HIPK2: variants seen among roughly 807,000 people sequenced by gnomAD.
The protein encoded by HIPK2 is homeodomain-interacting protein kinase 2.
In HIPK2, 27 loss-of-function variants were observed where a neutral mutation model predicts 113.7. That is an observed-to-expected ratio of 0.24 (90% CI 0.17 to 0.33). HIPK2 has a LOEUF of 0.33. HIPK2 is among the 10% of genes least tolerant of loss of function. The pLI is 1.00. For missense variants in HIPK2, 1,257 were observed against 1,588.0 expected (o/e 0.79, Z 3.54); for synonymous variants, 631 against 642.2 (o/e 0.98, Z 0.26).
chr7:139,618,023 T>C (rs1049815381), intron 7 of HIPK2, among the ~76,000 whole-genome samples: 3 of 152,220 alleles, frequency 2.0e-5, no homozygotes, highest in African/African-American at 7.2e-5. Flanking sequence ...GCTGTGTATG[T>C]ATATTTTAAG....
At chr7:139,605,674 C>G (rs1585266726) in intron 9 of HIPK2, among the ~76,000 whole-genome samples, 1 of 152,192 alleles carries the variant, frequency 6.6e-6, no homozygotes, top group African/African-American at 2.4e-5. Flanking sequence ...GCACCTGAGG[C>G]CCAGTGCAAT....
rs544608681 is a variant in HIPK2, at chr7:139,680,322, G to A, written c.1103+35610C>T. 2.6e-5 allele frequency among the ~76,000 whole-genome samples: 4 copies of A among 152,280 alleles called. No homozygotes were observed. In the South Asian group the frequency reaches 8.3e-4, roughly 32 times the overall value. ...TAACACCCTCCCCACAGCGTGGCTG[G>A]TGCCCAAGCAGCCCCAGTAGGGCTT... is the stretch of plus-strand genomic sequence containing the variant. On this transcript the variant is annotated intron_variant, in intron 2 of 14. Transcript: ENST00000406875.
chr7:139,623,977 G>C (rs2116856135), intron 6 of HIPK2, among the ~76,000 whole-genome samples: 1 of 151,920 alleles, frequency 6.6e-6, no homozygotes, highest in South Asian at 2.1e-4. Context: ...TCAGGGTTGA[G>C]AGGCTGAAGT....
intron 2 of HIPK2, among the ~76,000 whole-genome samples, chr7:139,696,899 A>G (rs1296407424): frequency 3.9e-5 from 6 of 152,136 alleles, no homozygotes; most frequent in East Asian, 1.9e-4. Context: ...CTAATCCTTA[A>G]AACTTCTATA....
chr7:139,716,981 G>A lies in HIPK2; in HGVS notation c.54C>T (p.His18=), dbSNP rs771912372. The A allele has an allele frequency of 5.6e-6, 9 of 1,612,038 alleles. No homozygotes were observed. The South Asian group carries it at 8.8e-5, about 16-fold the overall frequency. ...TACAGAAGGCACTTGATTGAAGGGT[G>A]TGAGGGGAGAAAACTTGCACATGTG... ...MASHVQVFSP[H]TLQSSAFCSV... The change falls in exon 2 of 15, where the codon CAC becomes CAT. Residue 18 remains histidine, a synonymous_variant. Coordinates refer to ENST00000406875, the MANE Select transcript of HIPK2 (RefSeq NM_022740.5). The surrounding 1 kb of genome is among the most constrained non-coding windows in gnomAD (Gnocchi z 9.3).
chr7:139,716,174 A>G lies in HIPK2; in HGVS notation c.861T>C (p.Phe287=). 1 of 1,614,032 alleles carries G rather than the reference A, an allele frequency of 6.2e-7. No individual in the cohort carries two copies. Residue 287 remains phenylalanine (F), a synonymous_variant, in exon 2 of 15, where the codon TTT becomes TTC. Coordinates refer to ENST00000406875, the MANE Select transcript of HIPK2 (RefSeq NM_022740.5). This position sits in a 1 kb window ranked among gnomAD's most constrained non-coding sequence, Gnocchi z 9.3. Reference sequence around the variant, plus strand: ...AGGGGCTAAACTTGTTTTGCTTCAGAAAGTCATAGAGGTTCTGCTCCAACA... The same window carrying G: ...AGGGGCTAAACTTGTTTTGCTTCAGGAAGTCATAGAGGTTCTGCTCCAACA... The part of the protein sequence containing the change: ...FEMLEQNLYD[F]LKQNKFSPLP...
intron 1 of HIPK2, among the ~76,000 whole-genome samples, chr7:139,734,316 A>G (rs1009944889): frequency 6.6e-5 from 10 of 152,166 alleles, no homozygotes; most frequent in African/African-American, 4.8e-5. Flanking sequence ...CCCCCACCTA[A>G]TAACTTTTCT....
At chr7:139,727,338 C>A (rs1795610768) in intron 1 of HIPK2, among the ~76,000 whole-genome samples, 1 of 151,938 alleles carries the variant, frequency 6.6e-6, no homozygotes, top group Non-Finnish European at 1.5e-5. Context: ...GCCCTCTTTT[C>A]CCACAGGGTC....
At chr7:139,768,200 A>C (rs893744621) in intron 1 of HIPK2, among the ~76,000 whole-genome samples, 3 of 152,146 alleles carry the variant, frequency 2.0e-5, no homozygotes, top group African/African-American at 7.2e-5. Flanking sequence ...AGACCCACAA[A>C]TGTCAGGGCA....
In HIPK2 at chr7:139,572,764, G is replaced by GCCC. The variant is rs71170903; in HGVS notation, c.*160_*162dup. The GCCC allele has an allele frequency of 3.4e-5, 1 of 29,326 alleles. No homozygotes were observed. The highest frequency in any genetic ancestry group is 1.4e-4 in the African/African-American group (1 of 7,076). 1.8% of individuals were successfully genotyped at this position (29,326 alleles called of 1,614,324 possible). Reference sequence around the variant, plus strand: ...GTCCCGACCCGTCCCCCTGCCCTCTGCCCCCCCCCCCCCCCCCGCCCCTGC... The same window carrying GCCC: ...GTCCCGACCCGTCCCCCTGCCCTCTGCCCCCCCCCCCCCCCCCCCCGCCCCTGC... On this transcript the variant is annotated 3_prime_UTR_variant, in exon 15 of 15. Transcript: ENST00000406875.
chr7:139,670,239 C>T (rs1197777416), intron 2 of HIPK2, among the ~76,000 whole-genome samples: 1 of 152,110 alleles, frequency 6.6e-6, no homozygotes, highest in African/African-American at 2.4e-5. Context: ...TCCCCCTGAT[C>T]TGCATTCTGA....
intron 1 of HIPK2, 140 bp from the exon 2 acceptor site, chr7:139,717,155 G>T: frequency 8.6e-7 from 1 of 1,158,774 alleles, no homozygotes; most frequent in Non-Finnish European, 1.2e-6. Context: ...TTGAAAAAGT[G>T]AATCTCTTCC....
chr7:139,574,058 T>C (rs934918479), intron 14 of HIPK2, among the ~76,000 whole-genome samples: 1 of 152,080 alleles, frequency 6.6e-6, no homozygotes, highest in Non-Finnish European at 1.5e-5. Flanking sequence ...ACTCCTGGCC[T>C]AGAATGATCC....
At chr7:139,729,195 C>T (rs1316996226) in intron 1 of HIPK2, among the ~76,000 whole-genome samples, 4 of 151,974 alleles carry the variant, frequency 2.6e-5, no homozygotes, top group African/African-American at 9.7e-5. Context: ...TGTGGTGGTG[C>T]ACACCCATAG....
chr7:139,618,715 C>T (rs1800140655), intron 7 of HIPK2, among the ~76,000 whole-genome samples: 1 of 152,188 alleles, frequency 6.6e-6, no homozygotes, highest in Non-Finnish European at 1.5e-5. Context: ...AGAAAGACAT[C>T]CATGGGAAGG....
At chr7:139,604,879 G>C (rs1799567880) in intron 9 of HIPK2, among the ~76,000 whole-genome samples, 1 of 152,078 alleles carries the variant, frequency 6.6e-6, no homozygotes, top group Non-Finnish European at 1.5e-5. Context: ...TATGTACAGG[G>C]GATTAGGGTA....
intron 7 of HIPK2, among the ~76,000 whole-genome samples, chr7:139,617,607 T>C (rs1443791437): frequency 6.6e-6 from 1 of 152,258 alleles, no homozygotes; most frequent in Non-Finnish European, 1.5e-5. Context: ...TTATTCAACA[T>C]GTTACCAACT....
At position 139,596,795 on chromosome 7, in the gene HIPK2, G is replaced by A. The variant is rs1465698039; in HGVS notation, c.2639C>T (p.Thr880Ile). ...RQRQTIVIPD[T>I]PSPTVSVITI... is the part of the protein sequence containing the mutation. ...GATGACGCTGACCGTGGGGCTGGGA[G>A]TGTCGGGAATGACAATTGTCTGCCG... Residue 880 changes from threonine to isoleucine, a missense_variant, in exon 12 of 15, where the codon ACT (threonine) becomes ATT (isoleucine). Coordinates refer to ENST00000406875, the MANE Select transcript of HIPK2 (RefSeq NM_022740.5). 1 of 1,614,006 alleles carries A rather than the reference G, an allele frequency of 6.2e-7. No individual in the cohort carries two copies.
chr7:139,711,835 T>TA (rs1326547228), intron 2 of HIPK2, among the ~76,000 whole-genome samples: 4 of 152,186 alleles, frequency 2.6e-5, no homozygotes, highest in Non-Finnish European at 5.9e-5. Flanking sequence ...CAAGGTGAAG[T>TA]AATACAAGCA....
Sources: allele counts gnomAD v4.1 joint callset (sites outside exome capture counted in the v4.1 genomes callset), GRCh38; gene constraint gnomAD v4.1.1; non-coding constraint Gnocchi (gnomAD v3.1); transcripts MANE v1.5; gene names NCBI Gene and HGNC (gene_info 2026-07-23, HGNC 2026-07-21).